FREM1: variants seen among roughly 807,000 people sequenced by gnomAD.
FREM1 encodes FRAS1-related extracellular matrix protein 1.
A neutral mutation model predicts 210.1 loss-of-function variants in FREM1; 220 were observed. That is an observed-to-expected ratio of 1.05 (90% CI 0.94 to 1.17). The LOEUF is 1.17. FREM1 is among the 50% of genes most tolerant of loss of function. The pLI is 0.00. For synonymous variants in FREM1, 1,189 were observed against 980.2 expected, an observed-to-expected ratio of 1.21 and a Z score of -3.98; for missense variants, 3,454 against 2,675.5, an observed-to-expected ratio of 1.29 and a Z score of -6.42.
chr9:14,897,287 A>C (rs1837903669), intron 1 of FREM1, among the ~76,000 whole-genome samples: 1 of 152,188 alleles, frequency 6.6e-6, no homozygotes, highest in African/African-American at 2.4e-5. Flanking sequence ...TAGATAAATA[A>C]TTTGTCTAAG....
chr9:14,791,087 T>C (rs1189336723), intron 22 of FREM1: 1 of 152,222 alleles, frequency 6.6e-6, no homozygotes, highest in Non-Finnish European at 1.5e-5. Flanking sequence ...ATAATTGCAA[T>C]GGGGATGGTT....
Position 14,737,386 on chromosome 9 carries a change from T to A in FREM1, c.*10A>T, listed in dbSNP as rs771433308. ...AAACTCCAGGTGGCCCCCTGTAGGG[T>A]CTGTTATATTTAGAGTTTTCTGGAA... On this transcript the variant is annotated 3_prime_UTR_variant, in exon 37 of 37. Coordinates refer to ENST00000380880, the MANE Select transcript of FREM1 (RefSeq NM_001379081.2). 3.3e-5 allele frequency: 53 copies of A among 1,608,476 alleles called. No individual in the cohort carries two copies. In the East Asian group the frequency reaches 5.8e-4, roughly 18 times the overall value.
chr9:14,792,018 C>T (rs56371878), intron 22 of FREM1, among the ~76,000 whole-genome samples: 17,590 of 151,686 alleles, frequency 0.12, 1,355 homozygotes, highest in African/African-American at 0.22. Flanking sequence ...CTAATTTTTG[C>T]ATTTTTAGTA....
Position 14,789,095 on chromosome 9 carries a change from G to A in FREM1, c.4001C>T (p.Pro1334Leu), listed in dbSNP as rs886063768. 22 of 1,594,440 alleles carry A rather than the reference G, an allele frequency of 1.4e-5. No individual in the cohort carries two copies. The highest frequency in any genetic ancestry group is 1.9e-5 in the Non-Finnish European group (22 of 1,169,758). ...AGTGCATTTCATGCCAGGGGAGAGA[G>A]GAACCCAGTCCCTCCCTATCTGGAA... is the stretch of plus-strand genomic sequence containing the variant. ...LQLKIGRDWV[P>L]LSPGMKCTQE... is the part of the protein sequence containing the mutation. Residue 1334 changes from proline (P) to leucine (L), a missense_variant, in exon 23 of 37, where the codon CCT becomes CTT. Coordinates refer to ENST00000380880, the MANE Select transcript of FREM1 (RefSeq NM_001379081.2).
chr9:14,793,245 G>A (rs1851739907), intron 21 of FREM1, among the ~76,000 whole-genome samples: 1 of 152,220 alleles, frequency 6.6e-6, no homozygotes, highest in South Asian at 2.1e-4. Flanking sequence ...AAGAGGGCTA[G>A]GTATGAGTGT....
intron 29 of FREM1, 149 bp from the exon 30 acceptor site, chr9:14,750,425 T>C: frequency 1.7e-6 from 1 of 583,036 alleles, no homozygotes; most frequent in Non-Finnish European, 2.9e-6. Context: ...AGTCCTGCTG[T>C]TCTCCCAAAT....
At chr9:14,876,477 T>C (rs1296921237) in intron 1 of FREM1, among the ~76,000 whole-genome samples, 1 of 152,216 alleles carries the variant, frequency 6.6e-6, no homozygotes, top group African/African-American at 2.4e-5. Flanking sequence ...TAGGACCCTC[T>C]GAGCCAGGTG....
At chr9:14,752,440 T>C (rs185254480) in intron 29 of FREM1, among the ~76,000 whole-genome samples, 47 of 152,254 alleles carry the variant, frequency 3.1e-4, no homozygotes, top group African/African-American at 1.0e-3. Context: ...GCAAAGATTA[T>C]TTGTAGCCAG....
chr9:14,874,776 A>G (rs1348119010), intron 1 of FREM1, among the ~76,000 whole-genome samples: 1 of 152,132 alleles, frequency 6.6e-6, no homozygotes, highest in Non-Finnish European at 1.5e-5. Context: ...TGATCTTCAC[A>G]ATTTGGCATG....
At chr9:14,744,960 C>A (rs10810232) in intron 35 of FREM1, among the ~76,000 whole-genome samples, 17 of 152,080 alleles carry the variant, frequency 1.1e-4, no homozygotes, top group Non-Finnish European at 2.4e-4. Flanking sequence ...AGATTATGTC[C>A]TTTGCAGGGA....
intron 17 of FREM1, among the ~76,000 whole-genome samples, chr9:14,807,143 C>T (rs1210637526): frequency 6.6e-6 from 1 of 152,196 alleles, no homozygotes; most frequent in Non-Finnish European, 1.5e-5. Context: ...TTTAGTCATT[C>T]TCAAGGAACT....
chr9:14,842,223 G>A lies in FREM1; in HGVS notation c.1738+93C>T, dbSNP rs530072615. ...TTGATGTTCACCTTAGGACAAACTC[G>A]GACACAATTTCAGCAAACCCAGAAG... On this transcript the variant is annotated intron_variant, in intron 9 of 36. Transcript: ENST00000380880. 3.1e-5 allele frequency: 24 copies of A among 766,512 alleles called. No homozygotes were observed. In the South Asian group the frequency reaches 3.2e-4, roughly 10 times the overall value. 47.5% of individuals were successfully genotyped at this position (766,512 alleles called of 1,614,324 possible).
chr9:14,823,959 G>A (rs1407643443), intron 12 of FREM1, 66 bp downstream of exon 12: 1 of 892,970 alleles, frequency 1.1e-6, no homozygotes, highest in Non-Finnish European at 1.7e-6. Flanking sequence ...CACAATACTA[G>A]GCATGCCATA....
rs190934417 is a variant in FREM1 at position 14,861,153 on chromosome 9, A to G, written c.330-1669T>C. On this transcript the variant is annotated intron_variant, in intron 3 of 36. Coordinates refer to ENST00000380880, the MANE Select transcript of FREM1 (RefSeq NM_001379081.2). ...CACATATATACATATATACACATAT[A>G]TACGTATATACACATGTATGTACAT... Among the ~76,000 whole-genome samples, 359 of 108,744 alleles carry G rather than the reference A, an allele frequency of 3.3e-3. 32 individuals carry two copies. Among genetic ancestry groups the G allele is most frequent in the South Asian group, 0.023 (85 of 3,732 alleles). 71.3% of individuals were successfully genotyped at this position (108,744 alleles called of 152,430 possible).
rs1818077604 is a variant in FREM1 at position 14,804,927 on chromosome 9, G to T, written c.3471+29C>A. 2.0e-6 allele frequency: 3 copies of T among 1,529,604 alleles called. No individual in the cohort carries two copies. In the African/African-American group the frequency reaches 4.1e-5, roughly 21 times the overall value. 94.8% of individuals were successfully genotyped at this position (1,529,604 alleles called of 1,614,324 possible). A position where few individuals can be genotyped will look rare whatever the true frequency, so the allele number is the denominator to read the frequency against. ...AAATAAAAATCAAAATGATAAAAGA[G>T]AAATGGAACATTTGGATATGTTTCT... On this transcript the variant is annotated intron_variant, in intron 19 of 36. Coordinates refer to ENST00000380880, the MANE Select transcript of FREM1 (RefSeq NM_001379081.2).
At position 14,801,753 on chromosome 9, in the gene FREM1, T is replaced by C. The variant is rs113023231; in HGVS notation, c.3593A>G (p.Asp1198Gly). ...AGAGAAGTCTTTGCTAAACCCCCTA[T>C]CGATGAGGAGGCCATGGCGTGGCTT... is the stretch of plus-strand genomic sequence containing the variant. Reference protein sequence around the residue: ...TQKPRHGLLIDRGFSKDFSEN... With the variant: ...TQKPRHGLLIGRGFSKDFSEN... The change falls in exon 20 of 37, where the codon GAT becomes GGT. Residue 1198 changes from aspartate (D) to glycine (G), a missense_variant. Coordinates refer to ENST00000380880, the MANE Select transcript of FREM1 (RefSeq NM_001379081.2). The C allele has an allele frequency of 2.5e-6, 4 of 1,613,772 alleles. No homozygotes were observed. In the African/African-American group the frequency reaches 5.3e-5, roughly 22 times the overall value.
chr9:14,784,908 C>T (rs185109026), intron 23 of FREM1, among the ~76,000 whole-genome samples: 61 of 152,308 alleles, frequency 4.0e-4, no homozygotes, highest in African/African-American at 1.4e-3. Flanking sequence ...ATTGTCATCT[C>T]ATAACTTTTT....
At chr9:14,748,907 T>G (rs538501909) in intron 30 of FREM1, among the ~76,000 whole-genome samples, 13 of 152,350 alleles carry the variant, frequency 8.5e-5, no homozygotes, top group African/African-American at 2.9e-4. Flanking sequence ...TGTTATGATT[T>G]TATTATCATA....
intron 10 of FREM1, among the ~76,000 whole-genome samples, chr9:14,840,797 A>T (rs1355243878): frequency 1.3e-5 from 2 of 152,210 alleles, no homozygotes; most frequent in African/African-American, 4.8e-5. Context: ...TTGTCCAGAC[A>T]CTACCCTGAC....
Sources: gnomAD v4.1 joint callset for allele counts (sites outside exome capture counted in the v4.1 genomes callset) on GRCh38, gnomAD v4.1.1 for gene constraint, MANE v1.5 for transcripts, NCBI Gene and HGNC (gene_info 2026-07-23, HGNC 2026-07-21) for gene names.